CLNK: variants seen among roughly 807,000 people sequenced by gnomAD.
The protein encoded by CLNK is cytokine dependent hematopoietic cell linker.
CLNK carries 74 observed loss-of-function variants against 68.6 expected under a neutral mutation model. The ratio of observed to expected loss-of-function variants is 1.08; its 90% CI spans 0.89 to 1.31. The LOEUF is 1.31. Among genes scored for constraint, CLNK ranks in the 50% most tolerant of loss-of-function variants. The pLI is 0.00. For missense variants in CLNK, 553 were observed against 515.3 expected, an observed-to-expected ratio of 1.07 and a Z score of -0.71; for synonymous variants, 198 against 172.2, an observed-to-expected ratio of 1.15 and a Z score of -1.17.
intron 4 of CLNK, among the ~76,000 whole-genome samples, chr4:10,580,119 C>T (rs896928308): frequency 2.0e-5 from 3 of 152,140 alleles, no homozygotes; most frequent in South Asian, 2.1e-4. Flanking sequence ...TTATCCAGTT[C>T]GGCACAAGAC....
chr4:10,618,813 T>G (rs1034957639), intron 2 of CLNK, among the ~76,000 whole-genome samples: 1 of 152,188 alleles, frequency 6.6e-6, no homozygotes, highest in Non-Finnish European at 1.5e-5. Flanking sequence ...ACGGTTATGT[T>G]ATGAGAACAG....
chr4:10,699,518 T>TATTTA, the CLNK span, among the ~76,000 whole-genome samples: 4 of 116,790 alleles, frequency 3.4e-5, no homozygotes, highest in African/African-American at 1.2e-4. Context: ...ATATATTTTT[T>TATTTA]TTTTTTTTTT....
chr4:10,624,406 C>T (rs1258673974), intron 2 of CLNK, among the ~76,000 whole-genome samples: 1 of 152,176 alleles, frequency 6.6e-6, no homozygotes, highest in Non-Finnish European at 1.5e-5. Context: ...CATTCTCCTG[C>T]CTCAGCCTCC....
At chr4:10,516,313 C>T (rs1324155662) in intron 15 of CLNK, among the ~76,000 whole-genome samples, 3 of 151,988 alleles carry the variant, frequency 2.0e-5, no homozygotes, top group Non-Finnish European at 4.4e-5. Flanking sequence ...AAAAACATAA[C>T]CAAAGTTACA....
intron 17 of CLNK, among the ~76,000 whole-genome samples, chr4:10,502,653 T>A (rs1717103709): frequency 6.6e-6 from 1 of 151,876 alleles, no homozygotes; most frequent in Non-Finnish European, 1.5e-5. Flanking sequence ...TTTTACCTAA[T>A]AAATTGGACT....
Position 10,564,779 on chromosome 4 carries a change from T to C in CLNK, c.293-2A>G, listed in dbSNP as rs1720039190. On this transcript the variant is annotated splice_acceptor_variant, in intron 6 of 18. Transcript: ENST00000226951. LOFTEE classifies it high-confidence loss of function. ...TTGCAACCTTGAAATAGTGTGTATC[T>C]ATGCAAACAGAAAAATATGAAAGTC... 2 of 1,573,378 alleles carry C rather than the reference T, an allele frequency of 1.3e-6. No individual in the cohort carries two copies. The highest frequency in any genetic ancestry group is 1.7e-6 in the Non-Finnish European group (2 of 1,143,058).
At chr4:10,500,274 C>A (rs943028727) in intron 18 of CLNK, among the ~76,000 whole-genome samples, 2 of 152,170 alleles carry the variant, frequency 1.3e-5, no homozygotes, top group African/African-American at 4.8e-5. Context: ...TCTCCTTCCC[C>A]CTTCCGTTAC....
At chr4:10,537,706 C>CCTTCCTTCCTTCCTTCCTTT (rs1553848181) in intron 11 of CLNK, among the ~76,000 whole-genome samples, 2 of 13,376 alleles carry the variant, frequency 1.5e-4, no homozygotes, top group African/African-American at 2.7e-4. Context: ...TTCCTTCCTT[C>CCTTCCTTCCTTCCTTCCTTT]CTTTCTTTCT....
At chr4:10,671,934 A>C (rs1409020827) in intron 1 of CLNK, among the ~76,000 whole-genome samples, 1 of 152,196 alleles carries the variant, frequency 6.6e-6, no homozygotes, top group Non-Finnish European at 1.5e-5. Flanking sequence ...GTCTAAGATA[A>C]AAGTTTGCTA....
intron 2 of CLNK, among the ~76,000 whole-genome samples, chr4:10,631,560 A>G (rs1346051158): frequency 6.6e-6 from 1 of 152,114 alleles, no homozygotes; most frequent in Non-Finnish European, 1.5e-5. Flanking sequence ...GTTAATCTAG[A>G]CATGTATATG....
chr4:10,622,069 G>T (rs560546085), intron 2 of CLNK, among the ~76,000 whole-genome samples: 5 of 152,302 alleles, frequency 3.3e-5, no homozygotes, highest in African/African-American at 1.2e-4. Flanking sequence ...TAGAGACTAA[G>T]AAAAAAGTTT....
At chr4:10,513,832 A>AATT (rs772040482) in intron 15 of CLNK, among the ~76,000 whole-genome samples, 8,617 of 145,574 alleles carry the variant, frequency 0.059, 342 homozygotes, top group Admixed American at 0.092. Flanking sequence ...TTTTTTTTTA[A>AATT]ATTATTATTA....
chr4:10,526,467 T>A (rs933984182), intron 13 of CLNK, among the ~76,000 whole-genome samples: 14 of 152,210 alleles, frequency 9.2e-5, no homozygotes, highest in African/African-American at 3.4e-4. Context: ...AGTACTACTT[T>A]GGGATACAGA....
the CLNK span, among the ~76,000 whole-genome samples, chr4:10,693,195 A>G: frequency 6.6e-6 from 1 of 152,314 alleles, no homozygotes; most frequent in Admixed American, 6.5e-5. Flanking sequence ...GTGTAAAAGC[A>G]ATGTGAAGTG....
Position 10,555,310 on chromosome 4 carries a change from G to C in CLNK, c.445+3097C>G, listed in dbSNP as rs574411792. 5.9e-5 allele frequency among the ~76,000 whole-genome samples: 9 copies of C among 152,152 alleles called. No homozygotes were observed. The South Asian group carries it at 1.5e-3, about 25-fold the overall frequency. On this transcript the variant is annotated intron_variant, in intron 8 of 18. Coordinates refer to ENST00000226951, the MANE Select transcript of CLNK (RefSeq NM_052964.4). ...GAAATTGGCTTAGAGTTTGTGTTTG[G>C]TTCACATCTACGGCAAAGAGAAAAT...
At chr4:10,685,480 T>C (rs953612693), upstream of CLNK, among the ~76,000 whole-genome samples, 9 of 152,190 alleles carry the variant, frequency 5.9e-5, no homozygotes, top group Non-Finnish European at 1.3e-4. Context: ...ATCAGTTGCT[T>C]AATACATTTT....
chr4:10,578,200 G>A (rs893155862), intron 4 of CLNK, among the ~76,000 whole-genome samples: 2 of 152,156 alleles, frequency 1.3e-5, no homozygotes, highest in Non-Finnish European at 2.9e-5. Flanking sequence ...TTTTCTTTTC[G>A]AGTTTAACGT....
At chr4:10,577,069 A>C (rs1720595076) in intron 4 of CLNK, among the ~76,000 whole-genome samples, 1 of 152,188 alleles carries the variant, frequency 6.6e-6, no homozygotes, top group South Asian at 2.1e-4. Context: ...CATGGTGAGA[A>C]TATGCTCATC....
chr4:10,725,747 C>T, the CLNK span, among the ~76,000 whole-genome samples: 30 of 151,796 alleles, frequency 2.0e-4, no homozygotes, highest in Middle Eastern at 3.4e-3. Flanking sequence ...CCCAGCTACT[C>T]GGGAGGCTGA....
Sources: allele counts gnomAD v4.1 joint callset (sites outside exome capture counted in the v4.1 genomes callset), GRCh38; gene constraint gnomAD v4.1.1; transcripts MANE v1.5; gene names NCBI Gene and HGNC (gene_info 2026-07-23, HGNC 2026-07-21).